FIP1L1: variants seen among roughly 807,000 people sequenced by gnomAD.
FIP1L1 encodes the protein factor interacting with PAPOLA and CPSF1.
Under a neutral mutation model 84.6 loss-of-function variants are expected in FIP1L1, and 21 were observed. That is an observed-to-expected ratio of 0.25 (90% confidence interval 0.18 to 0.36). The LOEUF is 0.36. Ranked by LOEUF, FIP1L1 falls within the 10% of genes least tolerant of loss-of-function variation. The probability of loss-of-function intolerance (pLI) is 1.00; values close to 1 mark genes in which losing one functional copy is unlikely to be tolerated. For synonymous variants in FIP1L1, 263 were observed against 242.3 expected (o/e 1.09, Z -0.80); for missense variants, 526 against 751.1 (o/e 0.70, Z 3.50).
chr4:53,409,262 C>G lies in FIP1L1; in HGVS notation c.816-5353C>G, dbSNP rs191505221. ...TGTTGGAGTTTGCTGGAGGTCTACT[C>G]CAGATCCTGTTTGCCTGGATACCAG... On this transcript the variant is annotated intron_variant, in intron 10 of 17. Coordinates refer to ENST00000337488, the MANE Select transcript of FIP1L1 (RefSeq NM_030917.4). Among the ~76,000 whole-genome samples the G allele has an allele frequency of 5.3e-5, 8 of 152,318 alleles. No individual in the cohort carries two copies. In the East Asian group the frequency reaches 1.2e-3, roughly 22 times the overall value.
At chr4:53,411,204 A>T (rs1217030683) in intron 10 of FIP1L1, among the ~76,000 whole-genome samples, 2 of 152,190 alleles carry the variant, frequency 1.3e-5, no homozygotes, top group African/African-American at 4.8e-5. Context: ...TATTGTAATG[A>T]TGGGCCATTG....
intron 10 of FIP1L1, 131 bp from the exon 11 acceptor site, chr4:53,414,484 C>T (rs1215398620): frequency 1.8e-6 from 1 of 553,954 alleles, no homozygotes; most frequent in Non-Finnish European, 3.3e-6. Flanking sequence ...GTTTATATGA[C>T]TTGAGAATGA....
chr4:53,393,800 A>G (rs947045188), intron 9 of FIP1L1, among the ~76,000 whole-genome samples: 11 of 110,942 alleles, frequency 9.9e-5, no homozygotes, highest in Non-Finnish European at 1.7e-4. Flanking sequence ...CTGTGAATGT[A>G]TGAGCTTTGT....
intron 3 of FIP1L1, among the ~76,000 whole-genome samples, chr4:53,381,753 C>CTTTTTTTTTTTGTTTTTTTTT (rs1738069485): frequency 1.1e-5 from 1 of 87,948 alleles, no homozygotes; most frequent in African/African-American, 5.6e-5. Flanking sequence ...CATTTGCATT[C>CTTTTTTTTTTTGTTTTTTTTT]TTTTTTTTTT....
chr4:53,416,705 A>G (rs1287465787), intron 11 of FIP1L1, among the ~76,000 whole-genome samples: 10 of 152,130 alleles, frequency 6.6e-5, no homozygotes, highest in Admixed American at 4.6e-4. Flanking sequence ...TGGCTCACAC[A>G]TGTAATCCCA....
At position 53,428,082 on chromosome 4, in the gene FIP1L1, C is replaced by T. The variant is rs1405438085; in HGVS notation, c.1073C>T (p.Pro358Leu). The T allele has an allele frequency of 6.8e-6, 11 of 1,610,378 alleles. No individual in the cohort carries two copies. The highest frequency in any genetic ancestry group is 1.1e-5 in the South Asian group (1 of 90,658). ...GACAACAATTTTAGCAAACCACCTC[C>T]GTTTTTCCCTCCAGGAGCTCCTCCC... ...EVDNNFSKPP[P>L]FFPPGAPPTH... Residue 358 changes from proline (P) to leucine (L), a missense_variant, in exon 13 of 18, where the codon CCG (proline) becomes CTG (leucine). By Grantham distance (98) the Pro-to-Leu change is moderately conservative. Around this residue, in one of 6 missense-constraint regions of FIP1L1, gnomAD observed 80 missense variants for 151.1 expected, o/e 0.53. Coordinates refer to ENST00000337488, the MANE Select transcript of FIP1L1 (RefSeq NM_030917.4).
chr4:53,458,839 A>G, intron 17 of FIP1L1, 49 bp downstream of exon 17: 1 of 1,576,638 alleles, frequency 6.3e-7, no homozygotes, highest in Non-Finnish European at 8.6e-7. Flanking sequence ...AGAGATTTTG[A>G]CTTACTACAT....
intron 9 of FIP1L1, among the ~76,000 whole-genome samples, chr4:53,397,213 C>T (rs1394464255): frequency 1.3e-5 from 2 of 152,282 alleles, no homozygotes; most frequent in African/African-American, 4.8e-5. Flanking sequence ...ATCCCAGATG[C>T]TTTCAAAGGA....
intron 15 of FIP1L1, among the ~76,000 whole-genome samples, chr4:53,447,389 A>C (rs1774669876): frequency 6.6e-6 from 1 of 152,040 alleles, no homozygotes; most frequent in Non-Finnish European, 1.5e-5. Context: ...ACTGTGGTAA[A>C]ATGAGAATAT....
At chr4:53,378,900 T>A (rs1199165022) in intron 1 of FIP1L1, 173 bp from the exon 2 acceptor site, 1 of 674,430 alleles carries the variant, frequency 1.5e-6, no homozygotes, top group African/African-American at 1.8e-5. Context: ...TAGCATTAGT[T>A]ACTACTCTTT....
chr4:53,410,168 A>G (rs1756413845), intron 10 of FIP1L1, among the ~76,000 whole-genome samples: 1 of 152,162 alleles, frequency 6.6e-6, no homozygotes, highest in South Asian at 2.1e-4. Context: ...ATCGCACATC[A>G]CAGTCAGATA....
rs565969548 is a variant in FIP1L1 at position 53,414,640 on chromosome 4, A to T, written c.841A>T (p.Thr281Ser). The T allele has an allele frequency of 6.2e-7, 1 of 1,613,314 alleles. No homozygotes were observed. Among genetic ancestry groups the T allele is most frequent in the South Asian group, 1.1e-5 (1 of 91,008 alleles). Reference sequence around the variant, plus strand: ...AAACAGCACTTCTTCTCAGTCTCAGACAAGTACTGCCTCCAGAAAAGCCAA... The same window carrying T: ...AAACAGCACTTCTTCTCAGTCTCAGTCAAGTACTGCCTCCAGAAAAGCCAA... ...SRNSTSSQSQ[T>S]STASRKANSS... Residue 281 changes from threonine (T) to serine (S), a missense_variant, in exon 11 of 18, where the codon ACA becomes TCA. Physicochemically the swap from Thr to Ser is moderately conservative, Grantham distance 58 (BLOSUM62 1). Around this residue, in one of 6 missense-constraint regions of FIP1L1, gnomAD observed 80 missense variants for 151.1 expected, o/e 0.53. Coordinates refer to ENST00000337488, the MANE Select transcript of FIP1L1 (RefSeq NM_030917.4).
At chr4:53,445,412 A>G (rs1421424720) in intron 15 of FIP1L1, among the ~76,000 whole-genome samples, 1 of 152,180 alleles carries the variant, frequency 6.6e-6, no homozygotes, top group Non-Finnish European at 1.5e-5. Context: ...CCCTGTATTA[A>G]AAGGCACATT....
intron 9 of FIP1L1, among the ~76,000 whole-genome samples, chr4:53,392,377 A>G (rs991434104): frequency 5.9e-5 from 9 of 152,138 alleles, no homozygotes; most frequent in Non-Finnish European, 1.0e-4. Context: ...TGTGTGTGCT[A>G]TGTCTGCAGA....
chr4:53,417,513 A>G (rs1173271679), intron 11 of FIP1L1, among the ~76,000 whole-genome samples: 5 of 151,430 alleles, frequency 3.3e-5, no homozygotes, highest in Middle Eastern at 3.2e-3. Flanking sequence ...CTGGTGGTGC[A>G]TGCCTGTAAT....
At position 53,399,779 on chromosome 4, in the gene FIP1L1, C is replaced by T; in HGVS notation, c.755C>T (p.Ser252Phe). Residue 252 changes from serine to phenylalanine, a missense_variant, in exon 10 of 18, where the codon TCT (serine) becomes TTT (phenylalanine). Ser to Phe is a radical substitution (Grantham distance 155). Transcript: ENST00000337488. ...TCAGAGAAAGAAACTGCCCTTCCAT[C>T]TACAAAAGCTGAGTTTACTTCTCCT... ...GNSEKETALP[S>F]TKAEFTSPPS... 6 of 1,613,594 alleles carry T rather than the reference C, an allele frequency of 3.7e-6. No homozygotes were observed. Among genetic ancestry groups the T allele is most frequent in the Non-Finnish European group, 5.1e-6 (6 of 1,179,786 alleles).
At chr4:53,393,567 G>GAAA (rs57162809) in intron 9 of FIP1L1, among the ~76,000 whole-genome samples, 19,682 of 151,686 alleles carry the variant, frequency 0.13, 2,528 homozygotes, top group African/African-American at 0.32. Flanking sequence ...CAAAATAAAA[G>GAAA]AAATTTAATA....
At chr4:53,399,949 A>G (rs1431014569) in intron 10 of FIP1L1, 110 bp downstream of exon 10, 1 of 722,110 alleles carries the variant, frequency 1.4e-6, no homozygotes, top group Non-Finnish European at 2.3e-6. Flanking sequence ...AAACTGGAAC[A>G]TTTTACTTTG....
At chr4:53,378,091 C>G in intron 1 of FIP1L1, 168 bp downstream of exon 1, 1 of 546,238 alleles carries the variant, frequency 1.8e-6, no homozygotes, top group South Asian at 3.5e-5. Flanking sequence ...CCAGTCCCCG[C>G]GGCGGTCTCC....
Sources: allele counts gnomAD v4.1 joint callset (sites outside exome capture counted in the v4.1 genomes callset), GRCh38; gene constraint gnomAD v4.1.1; regional missense constraint gnomAD v4.1.1; transcripts MANE v1.5; gene names NCBI Gene and HGNC (gene_info 2026-07-23, HGNC 2026-07-21).